Variants in MYO16 observed in about 807,000 individuals in gnomAD.
MYO16 encodes the protein myosin XVI.
Under a neutral mutation model 205.3 loss-of-function variants are expected in MYO16, and 94 were observed. That is an observed-to-expected ratio of 0.46 (90% CI 0.39 to 0.54). The LOEUF (loss-of-function observed/expected upper bound fraction) is 0.54, where lower values mean the gene tolerates loss of function less well. Ranked by LOEUF, MYO16 falls within the 20% of genes least tolerant of loss-of-function variation. The pLI, the probability that MYO16 is intolerant of heterozygous loss-of-function variation, is 0.00. For missense variants in MYO16, 2,315 were observed against 2,387.5 expected (o/e 0.97, Z 0.63); for synonymous variants, 988 against 954.0 (o/e 1.04, Z -0.66).
chr13:108,930,042 T>G (rs1368027454), intron 16 of MYO16, among the ~76,000 whole-genome samples: 1 of 152,240 alleles, frequency 6.6e-6, no homozygotes, highest in Non-Finnish European at 1.5e-5. Context: ...TTTCATAATT[T>G]TAAATGCCCA....
rs926394678 is a variant in MYO16 at position 109,206,916 on chromosome 13, T to C, written c.*80T>C. On this transcript the variant is annotated 3_prime_UTR_variant, in exon 35 of 35. Transcript: ENST00000457511. ...AACAACAGAAGGCTGCCTTCTGACA[T>C]GCGCTGGGGCTTCTCTCCACGCATT... The C allele has an allele frequency of 6.2e-6, 8 of 1,283,224 alleles. No individual in the cohort carries two copies. The African/African-American group carries it at 8.9e-5, about 14-fold the overall frequency. The allele number at this position is 1,283,224 out of a possible 1,614,324, so 79.5% of individuals were successfully genotyped here. A position where few individuals can be genotyped will look rare whatever the true frequency, so the allele number is the denominator to read the frequency against.
intron 6 of MYO16, among the ~76,000 whole-genome samples, chr13:108,794,012 A>C (rs1389225156): frequency 6.6e-6 from 1 of 152,202 alleles, no homozygotes; most frequent in Non-Finnish European, 1.5e-5. Context: ...AAAGAACAAA[A>C]CCATGTCCTT....
At chr13:109,128,768 G>GTTT (rs1172405612) in intron 31 of MYO16, among the ~76,000 whole-genome samples, 43 of 114,976 alleles carry the variant, frequency 3.7e-4, no homozygotes, top group Non-Finnish European at 5.4e-4. Context: ...CACTTTTTTA[G>GTTT]TTTTTTTTTT....
At chr13:108,905,503 G>A (rs1225402472) in intron 15 of MYO16, among the ~76,000 whole-genome samples, 2 of 152,110 alleles carry the variant, frequency 1.3e-5, no homozygotes, top group Admixed American at 6.6e-5. Flanking sequence ...ATCTCACTTA[G>A]CAGCTAGATA....
the MYO16 span, among the ~76,000 whole-genome samples, chr13:108,541,822 C>T: frequency 0.23 from 35,240 of 151,888 alleles, 4,370 homozygotes; most frequent in East Asian, 0.46. Flanking sequence ...CAGATGCTGG[C>T]GAGCTTGTGG....
intron 16 of MYO16, among the ~76,000 whole-genome samples, chr13:108,923,999 C>T (rs1881865246): frequency 6.6e-6 from 1 of 152,104 alleles, no homozygotes; most frequent in African/African-American, 2.4e-5. Flanking sequence ...TACTATTGAA[C>T]TCTTTGGGCC....
intron 34 of MYO16, among the ~76,000 whole-genome samples, chr13:109,187,544 A>C (rs1350520900): frequency 6.6e-6 from 1 of 152,210 alleles, no homozygotes; most frequent in Non-Finnish European, 1.5e-5. Flanking sequence ...TAATAGCTGC[A>C]TCCCACAAAT....
chr13:108,834,441 GA>G (rs971769964), intron 9 of MYO16, among the ~76,000 whole-genome samples: 13 of 152,144 alleles, frequency 8.5e-5, no homozygotes, highest in African/African-American at 2.9e-4. Context: ...AAGGGGCAGA[GA>G]AAAAAATTGC....
Position 108,911,458 on chromosome 13 carries a change from G to A in MYO16, c.1925+1308G>A, listed in dbSNP as rs377641802. On this transcript the variant is annotated intron_variant, in intron 16 of 34. Transcript: ENST00000457511. Reference sequence around the variant, plus strand: ...AGAGAGGGCCGTTCACAGATCTGATGTGGTGTCCAAGGGAGATGGAAGTGT... The same window carrying A: ...AGAGAGGGCCGTTCACAGATCTGATATGGTGTCCAAGGGAGATGGAAGTGT... 6.1e-4 allele frequency among the ~76,000 whole-genome samples: 93 copies of A among 152,266 alleles called. 2 individuals carry two copies. The South Asian group carries it at 0.019, about 31-fold the overall frequency.
chr13:108,735,280 G>A (rs1401225498), intron 4 of MYO16, among the ~76,000 whole-genome samples: 1 of 70,992 alleles, frequency 1.4e-5, no homozygotes, highest in Non-Finnish European at 2.6e-5. Flanking sequence ...CCCCACAACC[G>A]GCCCTGGTGT....
chr13:108,545,181 C>T, the MYO16 span, among the ~76,000 whole-genome samples: 1,636 of 152,048 alleles, frequency 0.011, 21 homozygotes, highest in African/African-American at 0.033. Context: ...AGGGAGGCCC[C>T]GTGTCTGTTG....
intron 27 of MYO16, among the ~76,000 whole-genome samples, chr13:109,079,431 G>T (rs115014336): frequency 6.6e-6 from 1 of 151,850 alleles, no homozygotes; most frequent in East Asian, 1.9e-4. Context: ...ACACTATGCA[G>T]CCATAAAATT....
At chr13:108,909,897 G>C in intron 15 of MYO16, 106 bp from the exon 16 acceptor site, 1 of 1,162,354 alleles carries the variant, frequency 8.6e-7, no homozygotes, top group Non-Finnish European at 1.2e-6. Context: ...GGGAAAGGGA[G>C]AACTCAACAG....
intron 23 of MYO16, among the ~76,000 whole-genome samples, chr13:109,028,141 C>T (rs1339488208): frequency 1.3e-5 from 2 of 151,868 alleles, no homozygotes; most frequent in Non-Finnish European, 2.9e-5. Flanking sequence ...CATTATATTA[C>T]AGTATTTTCT....
intron 16 of MYO16, among the ~76,000 whole-genome samples, chr13:108,925,903 C>G (rs938100446): frequency 4.6e-5 from 7 of 152,144 alleles, no homozygotes; most frequent in Non-Finnish European, 8.8e-5. Flanking sequence ...CCCTTCCTGC[C>G]CCCATTAAAG....
chr13:109,017,036 G>GT, intron 22 of MYO16, among the ~76,000 whole-genome samples: 1 of 152,260 alleles, frequency 6.6e-6, no homozygotes. Context: ...TTGCCCATTA[G>GT]TTGATGCAGT....
At chr13:108,761,476 TC>T (rs1555344836) in intron 4 of MYO16, among the ~76,000 whole-genome samples, 2 of 31,006 alleles carry the variant, frequency 6.5e-5, no homozygotes, top group African/African-American at 9.0e-5. Context: ...TGTTATCATT[TC>T]TGTTACCATC....
chr13:108,820,989 G>A (rs1875938793), intron 8 of MYO16, among the ~76,000 whole-genome samples: 1 of 151,916 alleles, frequency 6.6e-6, no homozygotes, highest in Non-Finnish European at 1.5e-5. Flanking sequence ...TTAATAAATG[G>A]ATGCTACATT....
chr13:108,735,248 G>C (rs1884651579), intron 4 of MYO16, among the ~76,000 whole-genome samples: 1 of 151,026 alleles, frequency 6.6e-6, no homozygotes, highest in Non-Finnish European at 1.5e-5. Flanking sequence ...ATCTCCTAAT[G>C]CTATCCCCCC....
Sources: allele counts gnomAD v4.1 joint callset (sites outside exome capture counted in the v4.1 genomes callset), GRCh38; gene constraint gnomAD v4.1.1; transcripts MANE v1.5; gene names NCBI Gene and HGNC (gene_info 2026-07-23, HGNC 2026-07-21).